Variants in MAPK8 observed in about 807,000 individuals in gnomAD.
MAPK8 encodes mitogen-activated protein kinase 8.
MAPK8 carries 13 observed loss-of-function variants against 52.9 expected under a neutral mutation model. The ratio of observed to expected loss-of-function variants is 0.25; its 90% CI spans 0.16 to 0.39. The LOEUF (loss-of-function observed/expected upper bound fraction) is 0.39. Ranked by LOEUF, MAPK8 falls within the 10% of genes least tolerant of loss-of-function variation. MAPK8 has a pLI of 1.00. For missense variants in MAPK8, 300 were observed against 519.2 expected (o/e 0.58, Z 4.10); for synonymous variants, 191 against 169.8 (o/e 1.12, Z -0.97).
intron 1 of MAPK8, among the ~76,000 whole-genome samples, chr10:48,336,587 TA>T: frequency 6.6e-6 from 1 of 152,304 alleles, no homozygotes; most frequent in East Asian, 1.9e-4. Flanking sequence ...AAAAAATATT[TA>T]TTCATCAGTT....
intron 2 of MAPK8, 61 bp downstream of exon 2, chr10:48,401,843 G>T: frequency 7.8e-7 from 1 of 1,289,122 alleles, no homozygotes; most frequent in Non-Finnish European, 1.0e-6. Context: ...TTCTCCTCTC[G>T]TAATTTAGAT....
chr10:48,308,949 AATGAGTTTCTTATTATTTG>A (rs1394365862), intron 1 of MAPK8, among the ~76,000 whole-genome samples: 4 of 152,334 alleles, frequency 2.6e-5, no homozygotes, highest in Non-Finnish European at 5.9e-5. Context: ...TGAGTTAACT[AATGAGTTTCTTATTATTTG>A]CTGTAAAGTG....
intron 1 of MAPK8, among the ~76,000 whole-genome samples, chr10:48,350,067 G>GAAAA (rs1206422471): frequency 7.2e-5 from 11 of 152,202 alleles, no homozygotes; most frequent in African/African-American, 2.2e-4. Flanking sequence ...ACTAAACCAG[G>GAAAA]AAAAAGTTGA....
intron 5 of MAPK8, among the ~76,000 whole-genome samples, chr10:48,411,275 T>C (rs942127709): frequency 4.6e-5 from 7 of 152,204 alleles, no homozygotes; most frequent in Admixed American, 4.6e-4. Context: ...TTTGATCTAT[T>C]TTGAGTTAAT....
chr10:48,394,078 T>C (rs1486297392), intron 1 of MAPK8, among the ~76,000 whole-genome samples: 1 of 151,942 alleles, frequency 6.6e-6, no homozygotes, highest in Non-Finnish European at 1.5e-5. Context: ...TAACAAAGCC[T>C]GTTTAAGAAG....
intron 1 of MAPK8, among the ~76,000 whole-genome samples, chr10:48,350,789 A>G (rs1352869900): frequency 1.3e-5 from 2 of 152,228 alleles, no homozygotes; most frequent in Admixed American, 1.3e-4. Context: ...AGAGAAATAA[A>G]TAAGGGTTAT....
rs529210754 is a variant in MAPK8 at position 48,340,175 on chromosome 10, T to A, written c.-50+33354T>A. On this transcript the variant is annotated intron_variant, in intron 1 of 11. Transcript: ENST00000374189. ...AAGTGTTCATCAACAGTGGATTAGA[T>A]AAAAGAAAATGTGGTACATATGCAC... Among the ~76,000 whole-genome samples, 3 of 152,192 alleles carry A rather than the reference T, an allele frequency of 2.0e-5. No individual in the cohort carries two copies. The East Asian group carries it at 5.8e-4, about 29-fold the overall frequency.
chr10:48,369,562 A>G (rs988060958), intron 1 of MAPK8, among the ~76,000 whole-genome samples: 4 of 152,136 alleles, frequency 2.6e-5, no homozygotes, highest in African/African-American at 9.7e-5. Flanking sequence ...TAGTAGATAC[A>G]TATTTGAAAT....
intron 1 of MAPK8, among the ~76,000 whole-genome samples, chr10:48,364,502 A>G (rs1847851310): frequency 6.6e-6 from 1 of 152,060 alleles, no homozygotes. Context: ...TGAGTTAAGT[A>G]AAAAGGAAAA....
chr10:48,433,930 T>G (rs1043467940), intron 11 of MAPK8, among the ~76,000 whole-genome samples: 1 of 152,236 alleles, frequency 6.6e-6, no homozygotes, highest in African/African-American at 2.4e-5. Context: ...TGAGAACTTT[T>G]AAGTAACTTG....
At chr10:48,334,567 C>G (rs955894488) in intron 1 of MAPK8, among the ~76,000 whole-genome samples, 3 of 152,168 alleles carry the variant, frequency 2.0e-5, no homozygotes, top group Non-Finnish European at 4.4e-5. Flanking sequence ...CCTCCACTGC[C>G]TCCTGAATAA....
intron 1 of MAPK8, among the ~76,000 whole-genome samples, chr10:48,395,811 T>G (rs1298353275): frequency 6.6e-6 from 1 of 151,988 alleles, no homozygotes; most frequent in African/African-American, 2.4e-5. Context: ...GAATTAAAAG[T>G]CCAGAAGTAG....
At chr10:48,322,551 G>A (rs1442521876) in intron 1 of MAPK8, among the ~76,000 whole-genome samples, 2 of 152,106 alleles carry the variant, frequency 1.3e-5, no homozygotes, top group East Asian at 3.9e-4. Context: ...TACGAAGGCT[G>A]GTCTATTTTA....
At chr10:48,321,510 T>G (rs980554871) in intron 1 of MAPK8, among the ~76,000 whole-genome samples, 2 of 152,238 alleles carry the variant, frequency 1.3e-5, no homozygotes, top group African/African-American at 4.8e-5. Flanking sequence ...ACAAAAAGTT[T>G]TAATTTCAAT....
At chr10:48,387,732 G>A (rs758929706) in intron 1 of MAPK8, among the ~76,000 whole-genome samples, 4 of 152,094 alleles carry the variant, frequency 2.6e-5, no homozygotes, top group Admixed American at 6.5e-5. Flanking sequence ...CATGTCTCCC[G>A]TCAGATGAGC....
At position 48,364,863 on chromosome 10, in the gene MAPK8, C is replaced by T. The variant is rs147032996; in HGVS notation, c.-49-36749C>T. Reference sequence around the variant, plus strand: ...TGAGATTATAAACAAATATTCTTGCCAAGCTAGAGCAATCAGTCATACTGG... The same window carrying T: ...TGAGATTATAAACAAATATTCTTGCTAAGCTAGAGCAATCAGTCATACTGG... On this transcript the variant is annotated intron_variant, in intron 1 of 11. Transcript: ENST00000374189. 3.9e-5 allele frequency among the ~76,000 whole-genome samples: 6 copies of T among 152,230 alleles called. No homozygotes were observed. The East Asian group carries it at 1.2e-3, about 29-fold the overall frequency.
chr10:48,354,804 C>A (rs2921272), intron 1 of MAPK8, among the ~76,000 whole-genome samples: 106,527 of 150,538 alleles, frequency 0.71, 37,883 homozygotes, highest in African/African-American at 0.8. Flanking sequence ...AAAAAAAAAA[C>A]AGAAAAAGAA....
intron 1 of MAPK8, among the ~76,000 whole-genome samples, chr10:48,372,729 A>G (rs1429148346): frequency 1.3e-5 from 2 of 152,134 alleles, no homozygotes; most frequent in East Asian, 1.9e-4. Flanking sequence ...ATATGGAACT[A>G]TGTGAAAAGA....
chr10:48,436,491 G>A lies in MAPK8; in HGVS notation c.*1462G>A, dbSNP rs1470338154. 6.6e-6 allele frequency: 1 copy of A among 152,022 alleles called. No homozygotes were observed. The highest frequency in any genetic ancestry group is 2.4e-5 in the African/African-American group (1 of 41,438). 9.4% of individuals were successfully genotyped at this position (152,022 alleles called of 1,614,324 possible). A position where few individuals can be genotyped will look rare whatever the true frequency, so the allele number is the denominator to read the frequency against. On this transcript the variant is annotated 3_prime_UTR_variant, in exon 12 of 12. Transcript: ENST00000374189. The stretch of plus-strand genomic sequence containing the variant: ...ACCTTTTAAATTATCTCTGGAACAA[G>A]AGGGATTTCATGTAATGAACTAGGA...
Sources: gnomAD v4.1 joint callset for allele counts (sites outside exome capture counted in the v4.1 genomes callset) on GRCh38, gnomAD v4.1.1 for gene constraint, MANE v1.5 for transcripts, NCBI Gene and HGNC (gene_info 2026-07-23, HGNC 2026-07-21) for gene names.